THEMIS: variants seen among roughly 807,000 people sequenced by gnomAD.
THEMIS encodes the protein protein THEMIS.
A neutral mutation model predicts 52.6 loss-of-function variants in THEMIS; 37 were observed. The ratio of observed to expected loss-of-function variants is 0.70; its 90% CI spans 0.54 to 0.93. THEMIS has a LOEUF of 0.93. Among genes scored for constraint, THEMIS ranks in the 40% least tolerant of loss-of-function variants. THEMIS has a pLI of 0.00. For synonymous variants in THEMIS, 292 were observed against 272.7 expected (o/e 1.07, Z -0.70); for missense variants, 808 against 763.1 (o/e 1.06, Z -0.69).
intron 5 of THEMIS, among the ~76,000 whole-genome samples, chr6:127,717,133 T>C (rs372875333): frequency 4.6e-5 from 7 of 152,018 alleles, no homozygotes; most frequent in African/African-American, 1.7e-4. Flanking sequence ...TTAATTATTA[T>C]AGCCTGACTT....
chr6:127,772,481 T>C (rs1426343511), intron 4 of THEMIS, among the ~76,000 whole-genome samples: 1 of 152,142 alleles, frequency 6.6e-6, no homozygotes, highest in African/African-American at 2.4e-5. Context: ...TTGTCCACTT[T>C]TCAGAATCTT....
At chr6:127,718,591 T>A (rs1416253980) in intron 5 of THEMIS, among the ~76,000 whole-genome samples, 1 of 151,922 alleles carries the variant, frequency 6.6e-6, no homozygotes. Context: ...ATCCACAATC[T>A]TAAAGAAAGA....
At chr6:127,907,016 A>T (rs1225227124) in intron 1 of THEMIS, among the ~76,000 whole-genome samples, 1 of 152,002 alleles carries the variant, frequency 6.6e-6, no homozygotes, top group Non-Finnish European at 1.5e-5. Flanking sequence ...ACTATATTAT[A>T]ATATTTCAGT....
chr6:127,752,203 A>C (rs1775666822), intron 4 of THEMIS, among the ~76,000 whole-genome samples: 1 of 151,690 alleles, frequency 6.6e-6, no homozygotes, highest in Non-Finnish European at 1.5e-5. Flanking sequence ...TACCTACATT[A>C]AAAAAGAGAA....
At chr6:127,782,060 A>C (rs1297219017) in intron 4 of THEMIS, among the ~76,000 whole-genome samples, 9 of 152,132 alleles carry the variant, frequency 5.9e-5, no homozygotes. Flanking sequence ...TGCTCCACCC[A>C]GTTTGAACTT....
chr6:127,837,998 T>C (rs1778927350), intron 2 of THEMIS, among the ~76,000 whole-genome samples: 1 of 152,134 alleles, frequency 6.6e-6, no homozygotes, highest in Admixed American at 6.6e-5. Flanking sequence ...AAAATGATTA[T>C]TTCTTTGGAG....
intron 1 of THEMIS, among the ~76,000 whole-genome samples, chr6:127,916,733 T>C (rs1247412976): frequency 6.6e-6 from 1 of 152,248 alleles, no homozygotes; most frequent in Non-Finnish European, 1.5e-5. Context: ...AACTCTCTAA[T>C]ATCCATAAAA....
intron 4 of THEMIS, among the ~76,000 whole-genome samples, chr6:127,802,842 T>A (rs1237787880): frequency 6.6e-6 from 1 of 152,284 alleles, no homozygotes; most frequent in South Asian, 2.1e-4. Flanking sequence ...TAACTGTGCA[T>A]TGTGGAAAGG....
intron 4 of THEMIS, among the ~76,000 whole-genome samples, chr6:127,775,268 G>A (rs1352358892): frequency 6.6e-6 from 1 of 152,178 alleles, no homozygotes; most frequent in East Asian, 1.9e-4. Flanking sequence ...AGCAGTGTCT[G>A]TTCCTTTCAG....
intron 4 of THEMIS, among the ~76,000 whole-genome samples, chr6:127,799,529 C>CTCTTTCTTTCTTTCTTTCTTTCTA (rs1777450642): frequency 2.1e-5 from 3 of 145,864 alleles, no homozygotes; most frequent in South Asian, 4.3e-4. Context: ...TTCTTTCTTT[C>CTCTTTCTTTCTTTCTTTCTTTCTA]TCTTTCTTTC....
intron 4 of THEMIS, among the ~76,000 whole-genome samples, chr6:127,797,073 A>G (rs576955860): frequency 6.6e-6 from 1 of 152,340 alleles, no homozygotes; most frequent in South Asian, 2.1e-4. Context: ...TTTTAAGTCT[A>G]CAGAAGAGAA....
chr6:127,729,597 G>T (rs1425117194), intron 4 of THEMIS, among the ~76,000 whole-genome samples: 1 of 151,936 alleles, frequency 6.6e-6, no homozygotes, highest in East Asian at 1.9e-4. Context: ...CTCCCCCTTG[G>T]AATATGACCC....
chr6:127,794,696 C>T (rs1173132848), intron 4 of THEMIS, among the ~76,000 whole-genome samples: 1 of 152,176 alleles, frequency 6.6e-6, no homozygotes, highest in African/African-American at 2.4e-5. Flanking sequence ...TCTCATCTTA[C>T]CAATTCATGT....
At chr6:127,814,753 G>A (rs12214570) in intron 3 of THEMIS, among the ~76,000 whole-genome samples, 7,114 of 152,128 alleles carry the variant, frequency 0.047, 186 homozygotes, top group Middle Eastern at 0.068. Context: ...ACTGTCTCAC[G>A]AGTCTTCCTT....
At chr6:127,807,185 AC>A (rs34558396) in intron 4 of THEMIS, 48,862 of 171,758 alleles carry the variant, frequency 0.28, 8,306 homozygotes, top group Non-Finnish European at 0.39. Context: ...AGATGGTGAA[AC>A]CCCATCTCTA....
rs748799622 is a variant in THEMIS at position 127,709,944 on chromosome 6, A to G, written c.*41T>C. 6.4e-7 allele frequency: 1 copy of G among 1,566,778 alleles called. No homozygotes were observed. Among genetic ancestry groups the G allele is most frequent in the South Asian group, 1.2e-5 (1 of 84,120 alleles). On this transcript the variant is annotated 3_prime_UTR_variant, in exon 6 of 6. Transcript: ENST00000368248. ...AAGGCTAGCTTCTTTTTTCACTGCA[A>G]CATTTATGTTTGCTGCCTAAGTGGC...
chr6:127,800,808 A>C (rs147930047), intron 4 of THEMIS, among the ~76,000 whole-genome samples: 1 of 152,284 alleles, frequency 6.6e-6, no homozygotes, highest in East Asian at 1.9e-4. Context: ...TCGGACTCCA[A>C]GTTCTTCAGT....
intron 2 of THEMIS, among the ~76,000 whole-genome samples, chr6:127,853,224 A>G (rs1779492129): frequency 6.6e-6 from 1 of 151,686 alleles, no homozygotes; most frequent in Non-Finnish European, 1.5e-5. Flanking sequence ...AATGTGATAA[A>G]TGCAATGATT....
chr6:127,903,778 G>C (rs563711133), upstream of THEMIS, among the ~76,000 whole-genome samples: 2 of 150,924 alleles, frequency 1.3e-5, no homozygotes, highest in East Asian at 3.9e-4. Context: ...CAATGGCTTA[G>C]GTGGGTAAAG....
Sources: gnomAD v4.1 joint callset for allele counts (sites outside exome capture counted in the v4.1 genomes callset) on GRCh38, gnomAD v4.1.1 for gene constraint, MANE v1.5 for transcripts, NCBI Gene and HGNC (gene_info 2026-07-23, HGNC 2026-07-21) for gene names.